Variants in RNF2 observed in about 807,000 individuals in gnomAD.
The protein encoded by RNF2 is E3 ubiquitin-protein ligase RING2.
A neutral mutation model predicts 37.2 loss-of-function variants in RNF2; 6 were observed. That is an observed-to-expected ratio of 0.16 (90% confidence interval 0.09 to 0.32). The LOEUF (loss-of-function observed/expected upper bound fraction) is 0.32. RNF2 is among the 10% of genes least tolerant of loss of function. RNF2 has a pLI of 1.00. For missense variants in RNF2, 251 were observed against 404.0 expected, an observed-to-expected ratio of 0.62 and a Z score of 3.25; for synonymous variants, 133 against 132.7, an observed-to-expected ratio of 1.00 and a Z score of -0.02.
chr1:185,063,791 C>T (rs1650718863), intron 1 of RNF2, among the ~76,000 whole-genome samples: 1 of 152,082 alleles, frequency 6.6e-6, no homozygotes, highest in African/African-American at 2.4e-5. Context: ...AATTTGCAGC[C>T]CCTTCTTCCA....
In RNF2 at chr1:185,099,784, C is replaced by A. The variant is rs200658900; in HGVS notation, c.738-7C>A. 6.2e-6 allele frequency: 10 copies of A among 1,608,722 alleles called. No homozygotes were observed. The highest frequency in any genetic ancestry group is 6.8e-6 in the Non-Finnish European group (8 of 1,177,266). On this transcript the variant is annotated splice_polypyrimidine_tract_variant and splice_region_variant and intron_variant, in intron 5 of 6. Transcript: ENST00000367510. Reference sequence around the variant, plus strand: ...GAAATGAAATTTTTAATGATTTATTCTTCTAGATACATAAAGACTTCTGGT... The same window carrying A: ...GAAATGAAATTTTTAATGATTTATTATTCTAGATACATAAAGACTTCTGGT...
chr1:185,056,220 C>T (rs1650429817), intron 1 of RNF2, among the ~76,000 whole-genome samples: 1 of 151,670 alleles, frequency 6.6e-6, no homozygotes, highest in Non-Finnish European at 1.5e-5. Context: ...GTGTAGATAA[C>T]ATTATTAATG....
At chr1:185,078,230 A>G (rs915361082) in intron 1 of RNF2, among the ~76,000 whole-genome samples, 6 of 152,118 alleles carry the variant, frequency 3.9e-5, no homozygotes, top group Non-Finnish European at 7.4e-5. Flanking sequence ...CTGGGTGACA[A>G]AGTGAGACTC....
chr1:185,087,444 CATT>C, intron 1 of RNF2, 105 bp from the exon 2 acceptor site: 1 of 859,638 alleles, frequency 1.2e-6, no homozygotes, highest in Non-Finnish European at 1.9e-6. Context: ...AATATTACTT[CATT>C]GAGATTAGAT....
chr1:185,080,577 C>A (rs1651316184), intron 1 of RNF2, among the ~76,000 whole-genome samples: 1 of 152,088 alleles, frequency 6.6e-6, no homozygotes, highest in Admixed American at 6.6e-5. Flanking sequence ...AAGGTAGCAT[C>A]CATGTGGTAG....
intron 1 of RNF2, among the ~76,000 whole-genome samples, chr1:185,050,975 T>C (rs1650252322): frequency 6.6e-6 from 1 of 152,244 alleles, no homozygotes; most frequent in African/African-American, 2.4e-5. Flanking sequence ...TTGTCCACTC[T>C]TTGTTGTCTT....
intron 2 of RNF2, among the ~76,000 whole-genome samples, chr1:185,087,876 C>T (rs746229174): frequency 9.2e-5 from 14 of 152,104 alleles, no homozygotes; most frequent in Non-Finnish European, 1.5e-4. Flanking sequence ...GATGTAGCAC[C>T]AACCATGGAC....
chr1:185,062,567 G>T (rs535444224), intron 1 of RNF2, among the ~76,000 whole-genome samples: 2 of 152,078 alleles, frequency 1.3e-5, no homozygotes, highest in South Asian at 4.1e-4. Context: ...GAAAGTATAG[G>T]TGGTTGTTTT....
intron 1 of RNF2, among the ~76,000 whole-genome samples, chr1:185,069,487 C>T (rs1650900837): frequency 6.7e-6 from 1 of 148,596 alleles, no homozygotes; most frequent in Non-Finnish European, 1.5e-5. Context: ...AAATGCAGAA[C>T]ATACACATTT....
chr1:185,095,955 G>A (rs567828742), intron 4 of RNF2, among the ~76,000 whole-genome samples: 52 of 152,212 alleles, frequency 3.4e-4, no homozygotes, highest in African/African-American at 1.1e-3. Flanking sequence ...TATTATAGAC[G>A]TGATTTGATA....
At chr1:185,053,565 C>G (rs1364011203) in intron 1 of RNF2, among the ~76,000 whole-genome samples, 1 of 151,942 alleles carries the variant, frequency 6.6e-6, no homozygotes, top group Non-Finnish European at 1.5e-5. Context: ...ATTGCCCAGG[C>G]TGGTCTTGGA....
intron 1 of RNF2, among the ~76,000 whole-genome samples, chr1:185,085,492 C>T (rs985016724): frequency 1.3e-5 from 2 of 151,928 alleles, no homozygotes; most frequent in East Asian, 1.9e-4. Context: ...TCTCTAATTC[C>T]GTCTCTGTGT....
At position 185,079,487 on chromosome 1, in the gene RNF2, G is replaced by A. The variant is rs529438156; in HGVS notation, c.-2-8065G>A. ...CCCTGTTTTAACCTTTTAAAGGAAA[G>A]CATCTTTGAAACAACCAGTCTGCTT... On this transcript the variant is annotated intron_variant, in intron 1 of 6. Coordinates refer to ENST00000367510, the MANE Select transcript of RNF2 (RefSeq NM_007212.4). 4.1e-4 allele frequency among the ~76,000 whole-genome samples: 63 copies of A among 152,312 alleles called. 1 individual carries two copies. Among genetic ancestry groups the A allele is most frequent in the Admixed American group, 1.8e-3 (27 of 15,302 alleles).
chr1:185,093,976 G>A, intron 4 of RNF2, among the ~76,000 whole-genome samples: 1 of 151,986 alleles, frequency 6.6e-6, no homozygotes, highest in Admixed American at 6.6e-5. Flanking sequence ...GGACTTACCT[G>A]AATTTTAGAC....
intron 1 of RNF2, among the ~76,000 whole-genome samples, chr1:185,073,824 A>G (rs1201551217): frequency 6.6e-6 from 1 of 152,216 alleles, no homozygotes; most frequent in African/African-American, 2.4e-5. Flanking sequence ...TGCTACACTA[A>G]CAATTCTCCA....
intron 1 of RNF2, among the ~76,000 whole-genome samples, chr1:185,065,302 CTG>C (rs1650767960): frequency 1.3e-5 from 2 of 152,290 alleles, no homozygotes; most frequent in African/African-American, 4.8e-5. Flanking sequence ...AATCAGCACT[CTG>C]TAAAATGGAC....
At chr1:185,093,370 C>T (rs1651823141) in intron 4 of RNF2, 94 bp downstream of exon 4, 2 of 1,098,436 alleles carry the variant, frequency 1.8e-6, no homozygotes, top group Non-Finnish European at 2.7e-6. Context: ...AATACAGTAA[C>T]AAATAGTAGT....
chr1:185,053,645 A>G (rs1650336816), intron 1 of RNF2, among the ~76,000 whole-genome samples: 1 of 151,904 alleles, frequency 6.6e-6, no homozygotes, highest in African/African-American at 2.4e-5. Flanking sequence ...TGGCCACCAC[A>G]TCCAGCCTGA....
Position 185,077,625 on chromosome 1 carries a change from G to GTTTTTTTTTTTTTTT in RNF2, c.-2-9914_-2-9913insTTTTTTTTTTTTTTT, listed in dbSNP as rs528747420. Reference sequence around the variant, plus strand: ...TTTTTAATTGTTAGGAATTAACTTTGTTTTTTTTTTTTTGGCTAGAAATTT... The same window carrying GTTTTTTTTTTTTTTT: ...TTTTTAATTGTTAGGAATTAACTTTGTTTTTTTTTTTTTTTTTTTTTTTTTTTTGGCTAGAAATTT... On this transcript the variant is annotated intron_variant, in intron 1 of 6. Coordinates refer to ENST00000367510, the MANE Select transcript of RNF2 (RefSeq NM_007212.4). Among the ~76,000 whole-genome samples the GTTTTTTTTTTTTTTT allele has an allele frequency of 6.8e-4, 79 of 115,646 alleles. 3 individuals are homozygous for GTTTTTTTTTTTTTTT. Among genetic ancestry groups the GTTTTTTTTTTTTTTT allele is most frequent in the African/African-American group, 2.5e-3 (76 of 30,462 alleles). The allele number at this position is 115,646 out of a possible 152,430, so 75.9% of individuals were successfully genotyped here. A position where few individuals can be genotyped will look rare whatever the true frequency, so the allele number is the denominator to read the frequency against.
Sources: gnomAD v4.1 joint callset for allele counts (sites outside exome capture counted in the v4.1 genomes callset) on GRCh38, gnomAD v4.1.1 for gene constraint, MANE v1.5 for transcripts, NCBI Gene and HGNC (gene_info 2026-07-23, HGNC 2026-07-21) for gene names.